The following PPP6R3 variants were observed in gnomAD, a reference collection of about 807,000 sequenced individuals.
PPP6R3 encodes the protein serine/threonine-protein phosphatase 6 regulatory subunit 3.
Under a neutral mutation model 110.7 loss-of-function variants are expected in PPP6R3, and 38 were observed. The observed-to-expected ratio is 0.34, with a 90% CI of 0.26 to 0.45. PPP6R3 has a LOEUF of 0.45. Among genes scored for constraint, PPP6R3 ranks in the 20% least tolerant of loss-of-function variants. The pLI is 1.00. For synonymous variants in PPP6R3, 369 were observed against 373.5 expected (o/e 0.99, Z 0.14); for missense variants, 870 against 1,062.4 (o/e 0.82, Z 2.52).
At chr11:68,504,425 T>G (rs562715460) in intron 1 of PPP6R3, among the ~76,000 whole-genome samples, 2 of 152,344 alleles carry the variant, frequency 1.3e-5, no homozygotes, top group South Asian at 4.1e-4. Context: ...CAGTAGGCTA[T>G]ATTCCTTTCT....
chr11:68,506,829 G>T, intron 1 of PPP6R3, among the ~76,000 whole-genome samples: 1 of 151,924 alleles, frequency 6.6e-6, no homozygotes, highest in East Asian at 1.9e-4. Flanking sequence ...TTTTACCTTT[G>T]TACTATGGAT....
At chr11:68,472,617 GTT>G (rs540018058) in intron 1 of PPP6R3, among the ~76,000 whole-genome samples, 5 of 143,742 alleles carry the variant, frequency 3.5e-5, no homozygotes, top group Non-Finnish European at 3.1e-5. Context: ...ATATCTCGGG[GTT>G]TTTTTTTTTT....
intron 3 of PPP6R3, among the ~76,000 whole-genome samples, chr11:68,541,389 C>T (rs1045874669): frequency 2.1e-4 from 32 of 152,106 alleles, no homozygotes; most frequent in African/African-American, 6.8e-4. Context: ...TGTTGAGAAG[C>T]GGTCAGATTT....
intron 2 of PPP6R3, among the ~76,000 whole-genome samples, chr11:68,523,748 G>A (rs894263250): frequency 7.0e-6 from 1 of 142,520 alleles, no homozygotes; most frequent in African/African-American, 2.7e-5. Flanking sequence ...GCCAAGAGGT[G>A]GGTGATAGAT....
chr11:68,527,845 G>A (rs973120204), intron 2 of PPP6R3, among the ~76,000 whole-genome samples: 2 of 152,146 alleles, frequency 1.3e-5, no homozygotes, highest in African/African-American at 4.8e-5. Context: ...CCTTCTCACT[G>A]CTGTGACTCC....
At chr11:68,521,476 T>TTCC (rs1257319609) in intron 2 of PPP6R3, among the ~76,000 whole-genome samples, 1 of 152,204 alleles carries the variant, frequency 6.6e-6, no homozygotes, top group Non-Finnish European at 1.5e-5. Flanking sequence ...CCTTTAGTTA[T>TTCC]TCCTCCTCCT....
At chr11:68,580,176 G>T (rs1453599535) in intron 14 of PPP6R3, among the ~76,000 whole-genome samples, 1 of 152,162 alleles carries the variant, frequency 6.6e-6, no homozygotes, top group Non-Finnish European at 1.5e-5. Flanking sequence ...GCAGGGACTT[G>T]CATGTTGTCC....
At chr11:68,492,207 A>T (rs1356417444) in intron 1 of PPP6R3, among the ~76,000 whole-genome samples, 1 of 152,124 alleles carries the variant, frequency 6.6e-6, no homozygotes, top group Non-Finnish European at 1.5e-5. Flanking sequence ...CTGTTGCTGG[A>T]CTACAGTGGC....
At chr11:68,564,809 T>C (rs1172267974) in intron 9 of PPP6R3, among the ~76,000 whole-genome samples, 1 of 152,228 alleles carries the variant, frequency 6.6e-6, no homozygotes, top group Non-Finnish European at 1.5e-5. Flanking sequence ...GTCTGATGTA[T>C]AGTCGACCTT....
intron 8 of PPP6R3, among the ~76,000 whole-genome samples, chr11:68,563,187 G>C (rs2099433507): frequency 6.6e-6 from 1 of 151,782 alleles, no homozygotes; most frequent in Non-Finnish European, 1.5e-5. Context: ...GATCACTTGA[G>C]CCCAGGAAAC....
intron 14 of PPP6R3, among the ~76,000 whole-genome samples, chr11:68,580,492 C>T (rs541387772): frequency 6.6e-6 from 1 of 152,118 alleles, no homozygotes; most frequent in South Asian, 2.1e-4. Context: ...TGATAACAGA[C>T]TTGGTGAAGG....
intron 1 of PPP6R3, among the ~76,000 whole-genome samples, chr11:68,478,218 G>A (rs2098850465): frequency 6.6e-6 from 1 of 151,456 alleles, no homozygotes; most frequent in Non-Finnish European, 1.5e-5. Context: ...AAAGTTCTGG[G>A]ATTACAGGCG....
rs185317197 is a variant in PPP6R3, at chr11:68,467,021, G to A, written c.-158+6194G>A. 2.5e-3 allele frequency among the ~76,000 whole-genome samples: 381 copies of A among 152,346 alleles called. 3 individuals are homozygous for A. The highest frequency in any genetic ancestry group is 9.8e-3 in the Admixed American group (150 of 15,308). ...CTCCCAAAGTGCTGGGATTACAGGC[G>A]TGAGCCGCTGCACCCGGCCCTAGCT... is the stretch of plus-strand genomic sequence containing the variant. On this transcript the variant is annotated intron_variant, in intron 1 of 23. Transcript: ENST00000393800.
chr11:68,540,490 G>A lies in PPP6R3; in HGVS notation c.227+2599G>A, dbSNP rs185175367. 1.1e-4 allele frequency among the ~76,000 whole-genome samples: 17 copies of A among 152,250 alleles called. No individual in the cohort carries two copies. In the East Asian group the frequency reaches 2.7e-3, roughly 24 times the overall value. ...GGAGGCAGGGCGAGATCACAGGACC[G>A]GGGCAAAATTAAAATTGCTAATGAA... On this transcript the variant is annotated intron_variant, in intron 3 of 23. Coordinates refer to ENST00000393800, the MANE Select transcript of PPP6R3 (RefSeq NM_001164161.2).
intron 18 of PPP6R3, among the ~76,000 whole-genome samples, chr11:68,592,279 C>G (rs951593729): frequency 1.3e-5 from 2 of 151,968 alleles, no homozygotes; most frequent in African/African-American, 2.4e-5. Flanking sequence ...AATATTTGAT[C>G]AGCAGCTTAA....
chr11:68,542,423 T>G lies in PPP6R3; in HGVS notation c.228-2415T>G, dbSNP rs138165089. Among the ~76,000 whole-genome samples, 563 of 143,096 alleles carry G rather than the reference T, an allele frequency of 3.9e-3. 11 individuals carry two copies. The East Asian group carries it at 0.049, about 12-fold the overall frequency. 93.9% of individuals were successfully genotyped at this position (143,096 alleles called of 152,430 possible). On this transcript the variant is annotated intron_variant, in intron 3 of 23. Transcript: ENST00000393800. The stretch of plus-strand genomic sequence containing the variant: ...TTTTTTTTTTTTTTAAGACAGAGTC[T>G]TGCTCTGTCATCCAGGCTGGAGTGC...
At chr11:68,511,463 A>AGAGAGTGTGTGTGTGTGTGT (rs1555082964) in intron 1 of PPP6R3, among the ~76,000 whole-genome samples, 1 of 138,512 alleles carries the variant, frequency 7.2e-6, no homozygotes, top group South Asian at 2.3e-4. Context: ...ACTGTGTTAG[A>AGAGAGTGTGTGTGTGTGTGT]GTGTGTGTGT....
intron 3 of PPP6R3, among the ~76,000 whole-genome samples, chr11:68,543,908 G>A (rs2099332551): frequency 6.6e-6 from 1 of 152,218 alleles, no homozygotes; most frequent in South Asian, 2.1e-4. Flanking sequence ...TGGTCTGGTT[G>A]TCAGAGGCAA....
intron 2 of PPP6R3, among the ~76,000 whole-genome samples, chr11:68,520,185 C>CT: frequency 6.6e-6 from 1 of 152,284 alleles, no homozygotes; most frequent in Non-Finnish European, 1.5e-5. Flanking sequence ...GCAGTAGGTC[C>CT]TTTTGGGGGA....
Sources: allele counts gnomAD v4.1 joint callset (sites outside exome capture counted in the v4.1 genomes callset), GRCh38; gene constraint gnomAD v4.1.1; transcripts MANE v1.5; gene names NCBI Gene and HGNC (gene_info 2026-07-23, HGNC 2026-07-21).